CACNA2D3: variants seen among roughly 807,000 people sequenced by gnomAD.
The protein encoded by CACNA2D3 is voltage-dependent calcium channel subunit alpha-2/delta-3.
Under a neutral mutation model 160.6 loss-of-function variants are expected in CACNA2D3, and 60 were observed. The observed-to-expected ratio is 0.37, with a 90% CI of 0.30 to 0.46. The LOEUF (loss-of-function observed/expected upper bound fraction) is 0.46. Among genes scored for constraint, CACNA2D3 ranks in the 20% least tolerant of loss-of-function variants. The pLI is 1.00. For synonymous variants in CACNA2D3, 558 were observed against 492.9 expected, an observed-to-expected ratio of 1.13 and a Z score of -1.75; for missense variants, 1,205 against 1,365.0, an observed-to-expected ratio of 0.88 and a Z score of 1.85.
intron 17 of CACNA2D3, among the ~76,000 whole-genome samples, chr3:54,856,986 G>A (rs999211958): frequency 3.9e-5 from 6 of 152,170 alleles, no homozygotes; most frequent in African/African-American, 1.4e-4. Context: ...TCATCATGTT[G>A]TCCAGGCTGG....
intron 9 of CACNA2D3, among the ~76,000 whole-genome samples, chr3:54,593,823 C>T (rs1702904630): frequency 6.6e-6 from 1 of 152,130 alleles, no homozygotes; most frequent in Non-Finnish European, 1.5e-5. Context: ...GCAGCTATTT[C>T]ACAGTGATTC....
chr3:54,628,874 G>T (rs1192148955), intron 10 of CACNA2D3, among the ~76,000 whole-genome samples: 4 of 152,052 alleles, frequency 2.6e-5, no homozygotes, highest in African/African-American at 9.7e-5. Flanking sequence ...CCATTCAGAA[G>T]TGTGGAGGAG....
intron 11 of CACNA2D3, among the ~76,000 whole-genome samples, chr3:54,713,000 A>G (rs1336740524): frequency 5.9e-5 from 9 of 152,210 alleles, no homozygotes; most frequent in Admixed American, 5.9e-4. Flanking sequence ...GGGGTAGGGG[A>G]ACATAGTATT....
At chr3:54,302,831 C>T (rs1322775345) in intron 2 of CACNA2D3, among the ~76,000 whole-genome samples, 3 of 151,848 alleles carry the variant, frequency 2.0e-5, no homozygotes, top group Admixed American at 6.6e-5. Flanking sequence ...GCTTTGGTCC[C>T]GGGACCTGTG....
In CACNA2D3 at chr3:54,963,271, G is replaced by A. The variant is rs76122559; in HGVS notation, c.2450-5179G>A. On this transcript the variant is annotated intron_variant, in intron 27 of 37. Transcript: ENST00000474759. ...AGTCATCTCATTTCTTCTACCTCTG[G>A]GGAGTGGTAGTATGGACGGGTTTGT... Among the ~76,000 whole-genome samples, 216 of 152,172 alleles carry A rather than the reference G, an allele frequency of 1.4e-3. 3 individuals carry two copies. Among genetic ancestry groups the A allele is most frequent in the African/African-American group, 4.9e-3 (205 of 41,514 alleles).
chr3:54,819,856 C>G (rs143419539), intron 14 of CACNA2D3, among the ~76,000 whole-genome samples: 1 of 152,106 alleles, frequency 6.6e-6, no homozygotes, highest in African/African-American at 2.4e-5. Context: ...AAAACACACA[C>G]ACACACACAA....
At chr3:54,341,749 T>A (rs1288404554) in intron 3 of CACNA2D3, among the ~76,000 whole-genome samples, 1 of 152,202 alleles carries the variant, frequency 6.6e-6, no homozygotes. Context: ...CAAATCTTTA[T>A]ATTATCTTAG....
chr3:54,987,622 C>A, intron 30 of CACNA2D3, 61 bp from the exon 31 acceptor site: 1 of 1,091,292 alleles, frequency 9.2e-7, no homozygotes, highest in Admixed American at 2.3e-5. Context: ...CTTTTCATTT[C>A]TTCTCTCCTG....
chr3:54,992,471 C>T (rs1185498486), intron 31 of CACNA2D3, among the ~76,000 whole-genome samples: 1 of 152,138 alleles, frequency 6.6e-6, no homozygotes, highest in Admixed American at 6.5e-5. Context: ...AGGACACAAT[C>T]AGCTGGCACA....
chr3:54,288,401 T>C (rs898489424), intron 2 of CACNA2D3, among the ~76,000 whole-genome samples: 81 of 152,246 alleles, frequency 5.3e-4, no homozygotes, highest in Admixed American at 8.5e-4. Context: ...AATAGACCAA[T>C]AACAGGATCT....
chr3:54,921,704 G>T (rs1458710873), intron 27 of CACNA2D3, among the ~76,000 whole-genome samples: 2 of 152,062 alleles, frequency 1.3e-5, no homozygotes, highest in African/African-American at 2.4e-5. Flanking sequence ...GACCTTAGAG[G>T]CCACGTGATA....
chr3:54,919,883 G>A (rs1700785250), intron 27 of CACNA2D3, among the ~76,000 whole-genome samples: 1 of 152,218 alleles, frequency 6.6e-6, no homozygotes, highest in Non-Finnish European at 1.5e-5. Flanking sequence ...TCCATGCTCA[G>A]TCCAAGTTTT....
At chr3:54,961,652 G>A (rs1263267413) in intron 27 of CACNA2D3, among the ~76,000 whole-genome samples, 1 of 152,104 alleles carries the variant, frequency 6.6e-6, no homozygotes, top group Non-Finnish European at 1.5e-5. Flanking sequence ...TTGTGGGCAG[G>A]TGGCCTGATT....
chr3:54,527,367 C>A (rs1438806402), intron 5 of CACNA2D3, among the ~76,000 whole-genome samples: 2 of 152,158 alleles, frequency 1.3e-5, no homozygotes, highest in East Asian at 3.9e-4. Flanking sequence ...TCCCAGCCTC[C>A]CCTGGGCACA....
At chr3:54,465,885 T>G (rs1306930757) in intron 4 of CACNA2D3, among the ~76,000 whole-genome samples, 3 of 152,200 alleles carry the variant, frequency 2.0e-5, no homozygotes, top group African/African-American at 7.2e-5. Flanking sequence ...GCTGGGCTCT[T>G]AATCTGGAGA....
intron 11 of CACNA2D3, among the ~76,000 whole-genome samples, chr3:54,705,118 T>G (rs1700835602): frequency 6.6e-6 from 1 of 152,172 alleles, no homozygotes; most frequent in Admixed American, 6.6e-5. Context: ...AAGTTCATTG[T>G]TTTTAATTTG....
rs915849924 is a variant in CACNA2D3, at chr3:54,626,443, A to G, written c.964-1344A>G. 35 of 1,594,228 alleles carry G rather than the reference A, an allele frequency of 2.2e-5. No homozygotes were observed. In the African/African-American group the frequency reaches 4.0e-4, roughly 18 times the overall value. On this transcript the variant is annotated intron_variant, in intron 9 of 37. Transcript: ENST00000474759. ...CATGGAGAAGCCGGAAGTGGTGAAG[A>G]CGCACCTGCGTGACGTGATCATCCT...
intron 2 of CACNA2D3, among the ~76,000 whole-genome samples, chr3:54,317,614 T>C (rs143868689): frequency 4.4e-4 from 67 of 152,292 alleles, no homozygotes; most frequent in Middle Eastern, 6.8e-3. Context: ...CGCGGCTCAC[T>C]GCAATATCCG....
intron 11 of CACNA2D3, among the ~76,000 whole-genome samples, chr3:54,703,916 G>T (rs1302041237): frequency 6.6e-6 from 1 of 152,224 alleles, no homozygotes. Context: ...GACTTAATTT[G>T]TAGTTCAGAC....
Sources: gnomAD v4.1 joint callset for allele counts (sites outside exome capture counted in the v4.1 genomes callset) on GRCh38, gnomAD v4.1.1 for gene constraint, MANE v1.5 for transcripts, NCBI Gene and HGNC (gene_info 2026-07-23, HGNC 2026-07-21) for gene names.